Variants in SLC25A13 observed in about 807,000 individuals in gnomAD.
SLC25A13 encodes electrogenic aspartate/glutamate antiporter SLC25A13, mitochondrial.
In SLC25A13, 70 loss-of-function variants were observed where a neutral mutation model predicts 85.5. The ratio of observed to expected loss-of-function variants is 0.82; its 90% CI spans 0.68 to 1.00. SLC25A13 has a LOEUF of 1.00. Ranked by LOEUF, SLC25A13 falls within the 50% of genes least tolerant of loss-of-function variation. The probability of loss-of-function intolerance (pLI) is 0.00; values close to 1 mark genes in which losing one functional copy is unlikely to be tolerated. For missense variants in SLC25A13, 765 were observed against 819.8 expected (o/e 0.93, Z 0.82); for synonymous variants, 259 against 288.7 (o/e 0.90, Z 1.04).
intron 3 of SLC25A13, among the ~76,000 whole-genome samples, chr7:96,247,416 G>A (rs954581058): frequency 3.9e-5 from 6 of 152,100 alleles, no homozygotes; most frequent in Non-Finnish European, 8.8e-5. Context: ...TTCTGATGAC[G>A]TAAGAGAACT....
intron 3 of SLC25A13, among the ~76,000 whole-genome samples, chr7:96,274,859 T>C (rs1409339939): frequency 6.6e-6 from 1 of 152,182 alleles, no homozygotes; most frequent in East Asian, 1.9e-4. Context: ...TTCTGTTCCA[T>C]TGGTCTATAT....
At chr7:96,307,299 T>A (rs1050058539) in intron 1 of SLC25A13, among the ~76,000 whole-genome samples, 47 of 152,294 alleles carry the variant, frequency 3.1e-4, no homozygotes, top group Non-Finnish European at 6.3e-4. Context: ...ATTATTATAA[T>A]TTTTTAAAGT....
At chr7:96,264,124 G>A (rs1481142337) in intron 3 of SLC25A13, among the ~76,000 whole-genome samples, 1 of 152,000 alleles carries the variant, frequency 6.6e-6, no homozygotes, top group Non-Finnish European at 1.5e-5. Flanking sequence ...CACCTACTCT[G>A]GATTATTCAG....
At chr7:96,124,773 T>G in intron 15 of SLC25A13, among the ~76,000 whole-genome samples, 1 of 152,120 alleles carries the variant, frequency 6.6e-6, no homozygotes, top group East Asian at 1.9e-4. Context: ...TCTGCCATCC[T>G]ATATTATGCT....
intron 2 of SLC25A13, among the ~76,000 whole-genome samples, chr7:96,286,931 T>A (rs1311692456): frequency 9.9e-5 from 15 of 152,214 alleles, no homozygotes; most frequent in Admixed American, 9.8e-4. Context: ...TGAAGCTCCC[T>A]TCCACCTCCC....
chr7:96,229,767 C>A (rs1313402280), intron 4 of SLC25A13, among the ~76,000 whole-genome samples: 1 of 152,130 alleles, frequency 6.6e-6, no homozygotes, highest in African/African-American at 2.4e-5. Context: ...GCCAGCGAGA[C>A]CACGAACCCA....
At chr7:96,252,762 T>C (rs1311468074) in intron 3 of SLC25A13, among the ~76,000 whole-genome samples, 3 of 152,178 alleles carry the variant, frequency 2.0e-5, no homozygotes, top group Admixed American at 6.5e-5. Context: ...TAGAGCATAG[T>C]AGAGCAGCAG....
intron 3 of SLC25A13, among the ~76,000 whole-genome samples, chr7:96,252,302 G>T (rs193158863): frequency 2.1e-4 from 32 of 152,316 alleles, no homozygotes; most frequent in African/African-American, 7.2e-4. Context: ...CTGGATGTAA[G>T]ATTTGAAGGG....
chr7:96,178,997 G>C (rs1794325771), intron 11 of SLC25A13, among the ~76,000 whole-genome samples: 1 of 152,212 alleles, frequency 6.6e-6, no homozygotes, highest in African/African-American at 2.4e-5. Context: ...AGTTTATCTA[G>C]GTTAAATTAT....
intron 1 of SLC25A13, among the ~76,000 whole-genome samples, chr7:96,301,413 A>G (rs1799543257): frequency 6.6e-6 from 1 of 152,206 alleles, no homozygotes; most frequent in Non-Finnish European, 1.5e-5. Context: ...TTGCATTTGT[A>G]AGAATGGATT....
chr7:96,182,406 C>A (rs1191450653), intron 11 of SLC25A13, among the ~76,000 whole-genome samples: 3 of 152,242 alleles, frequency 2.0e-5, no homozygotes, highest in Non-Finnish European at 1.5e-5. Flanking sequence ...TCCTGACAGA[C>A]AGCTCTGTCT....
At chr7:96,148,239 GAAGTA>G (rs778070854) in intron 13 of SLC25A13, among the ~76,000 whole-genome samples, 29 of 152,306 alleles carry the variant, frequency 1.9e-4, no homozygotes, top group Admixed American at 3.3e-4. Context: ...CTTAGTCTAG[GAAGTA>G]GAGTGTGAGA....
intron 2 of SLC25A13, among the ~76,000 whole-genome samples, chr7:96,285,325 C>T (rs367921641): frequency 2.0e-5 from 3 of 152,176 alleles, no homozygotes; most frequent in Non-Finnish European, 2.9e-5. Context: ...CAAAAAACCT[C>T]GAATGCTTCC....
chr7:96,215,941 G>A (rs1315044586), intron 4 of SLC25A13, among the ~76,000 whole-genome samples: 1 of 152,010 alleles, frequency 6.6e-6, no homozygotes, highest in Non-Finnish European at 1.5e-5. Context: ...GATCACCTGA[G>A]GTCAGGAGTT....
At chr7:96,263,244 G>A (rs1202762277) in intron 3 of SLC25A13, among the ~76,000 whole-genome samples, 1 of 151,962 alleles carries the variant, frequency 6.6e-6, no homozygotes, top group African/African-American at 2.4e-5. Flanking sequence ...GGACACCCAG[G>A]TTACCCTTTA....
chr7:96,271,866 ATTATTTTATTTTAT>A (rs1485168129), intron 3 of SLC25A13, among the ~76,000 whole-genome samples: 7 of 151,822 alleles, frequency 4.6e-5, no homozygotes, highest in Non-Finnish European at 8.8e-5. Flanking sequence ...AATTTATTTT[ATTATTTTATTTTAT>A]TTATTTTATT....
chr7:96,194,094 T>A (rs767966708), intron 5 of SLC25A13, among the ~76,000 whole-genome samples: 4 of 152,094 alleles, frequency 2.6e-5, no homozygotes, highest in Non-Finnish European at 4.4e-5. Flanking sequence ...ACTCTGCTCA[T>A]TTCCCAAACA....
intron 3 of SLC25A13, among the ~76,000 whole-genome samples, chr7:96,252,490 C>A (rs1797471035): frequency 1.3e-5 from 2 of 152,048 alleles, no homozygotes; most frequent in African/African-American, 4.8e-5. Flanking sequence ...TGGACTCTCA[C>A]AGAAGCAGCA....
intron 3 of SLC25A13, among the ~76,000 whole-genome samples, chr7:96,249,382 C>T (rs1797326661): frequency 6.6e-6 from 1 of 152,144 alleles, no homozygotes; most frequent in African/African-American, 2.4e-5. Flanking sequence ...TACAAATAGC[C>T]ACACCAAAAT....
Sources: allele counts gnomAD v4.1 joint callset (sites outside exome capture counted in the v4.1 genomes callset), GRCh38; gene constraint gnomAD v4.1.1; transcripts MANE v1.5; gene names NCBI Gene and HGNC (gene_info 2026-07-23, HGNC 2026-07-21).